PSMD13: variants seen among roughly 807,000 people sequenced by gnomAD.
The protein encoded by PSMD13 is proteasome 26S subunit, non-ATPase 13.
A neutral mutation model predicts 57.4 loss-of-function variants in PSMD13; 8 were observed. The observed-to-expected ratio is 0.14, with a 90% CI of 0.08 to 0.25. The LOEUF (loss-of-function observed/expected upper bound fraction) is 0.25. Among genes scored for constraint, PSMD13 ranks in the 10% least tolerant of loss-of-function variants. The probability of loss-of-function intolerance (pLI) is 1.00; values close to 1 mark genes in which losing one functional copy is unlikely to be tolerated. For synonymous variants in PSMD13, 193 were observed against 168.2 expected (o/e 1.15, Z -1.14); for missense variants, 400 against 461.5 (o/e 0.87, Z 1.22).
intron 6 of PSMD13, among the ~76,000 whole-genome samples, chr11:246,371 G>A (rs886764645): frequency 9.9e-5 from 15 of 152,124 alleles, no homozygotes; most frequent in South Asian, 2.1e-4. Context: ...GCATGGTGGC[G>A]GGCGCCTGTA....
intron 6 of PSMD13, among the ~76,000 whole-genome samples, chr11:245,601 T>C: frequency 6.6e-6 from 1 of 151,448 alleles, no homozygotes; most frequent in East Asian, 1.9e-4. Context: ...TGGGTGGCAG[T>C]GAAACCGACA....
At chr11:238,385 C>G (rs1859428277) in intron 1 of PSMD13, among the ~76,000 whole-genome samples, 1 of 152,206 alleles carries the variant, frequency 6.6e-6, no homozygotes, top group South Asian at 2.1e-4. Flanking sequence ...GTTAAGTGAT[C>G]TCAAAGTGAC....
At chr11:242,006 C>T (rs988723733) in intron 2 of PSMD13, among the ~76,000 whole-genome samples, 1 of 152,072 alleles carries the variant, frequency 6.6e-6, no homozygotes, top group Admixed American at 6.6e-5. Context: ...GTTCTTCTCT[C>T]AGCTTCTTCC....
chr11:249,192 G>A, intron 9 of PSMD13, 135 bp downstream of exon 9: 5 of 1,273,796 alleles, frequency 3.9e-6, no homozygotes, highest in Non-Finnish European at 5.4e-6. Context: ...GCTAGTCCTT[G>A]CTCTCATAGA....
chr11:241,363 T>A (rs1859510299), intron 2 of PSMD13, among the ~76,000 whole-genome samples: 1 of 152,118 alleles, frequency 6.6e-6, no homozygotes, highest in Non-Finnish European at 1.5e-5. Flanking sequence ...GGTCTTGAAC[T>A]CCTGTCCTCA....
intron 1 of PSMD13, among the ~76,000 whole-genome samples, chr11:238,446 G>C (rs1859433208): frequency 6.6e-6 from 1 of 152,232 alleles, no homozygotes; most frequent in African/African-American, 2.4e-5. Context: ...TATCACATCT[G>C]CTTTAGCATT....
At position 252,800 on chromosome 11, in the gene PSMD13, C is replaced by T; in HGVS notation, c.*200C>T. On this transcript the variant is annotated 3_prime_UTR_variant, in exon 13 of 13. Coordinates refer to ENST00000532097, the MANE Select transcript of PSMD13 (RefSeq NM_002817.4). This position sits in a 1 kb window ranked among gnomAD's most constrained non-coding sequence, Gnocchi z 4.1. ...ACAGGGAGGAGGCTTCTTTGTGGGT[C>T]TCTCCTGCAGAGGGTGGGGGTCTCA... 2 of 562,876 alleles carry T rather than the reference C, an allele frequency of 3.6e-6. No individual in the cohort carries two copies. Among genetic ancestry groups the T allele is most frequent in the Non-Finnish European group, 6.4e-6 (2 of 314,104 alleles). The allele number at this position is 562,876 out of a possible 1,614,324, so 34.9% of individuals were successfully genotyped here. A position where few individuals can be genotyped will look rare whatever the true frequency, so the allele number is the denominator to read the frequency against.
At chr11:244,522 C>CT in intron 5 of PSMD13, 53 bp downstream of exon 5, 1 of 1,562,698 alleles carries the variant, frequency 6.4e-7, no homozygotes, top group Non-Finnish European at 8.8e-7. Flanking sequence ...GTATGTATGA[C>CT]TTAACAGCTT....
Position 248,976 on chromosome 11 carries a change from G to A in PSMD13, c.693G>A (p.Gln231=). 1 of 1,614,180 alleles carries A rather than the reference G, an allele frequency of 6.2e-7. No homozygotes were observed. Among genetic ancestry groups the A allele is most frequent in the Non-Finnish European group, 8.5e-7 (1 of 1,180,034 alleles). The change falls in exon 9 of 13, where the codon CAG becomes CAA. Residue 231 remains glutamine, a synonymous_variant. Coordinates refer to ENST00000532097, the MANE Select transcript of PSMD13 (RefSeq NM_002817.4). ...AGTCCCTGAGGAATACTGACCGGCA[G>A]TGGCTGATTGACACCCTCTATGCCT... is the stretch of plus-strand genomic sequence containing the variant. ...VLESLRNTDR[Q]WLIDTLYAFN...
At chr11:250,966 G>C in intron 10 of PSMD13, 101 bp downstream of exon 10, 2 of 1,041,734 alleles carry the variant, frequency 1.9e-6, no homozygotes, top group East Asian at 4.8e-5. Flanking sequence ...TGAGCTTTCA[G>C]TGGTGCTGCT....
At chr11:243,510 G>T in intron 2 of PSMD13, 1 of 320,064 alleles carries the variant, frequency 3.1e-6, no homozygotes, top group Admixed American at 4.1e-5. Context: ...ATCTCTGGCT[G>T]TAGGATTTTC....
chr11:245,045 A>G (rs921008259), intron 6 of PSMD13, among the ~76,000 whole-genome samples: 4 of 151,306 alleles, frequency 2.6e-5, no homozygotes, highest in African/African-American at 9.7e-5. Flanking sequence ...GGTTCAAGCA[A>G]TTCTCCTGCC....
intron 7 of PSMD13, 62 bp downstream of exon 7, chr11:247,510 A>G: frequency 6.4e-7 from 1 of 1,554,796 alleles, no homozygotes; most frequent in Non-Finnish European, 8.7e-7. Context: ...AGCATCTGTG[A>G]GTTGCTTGAG....
rs1030157547 is a variant in PSMD13 at position 237,081 on chromosome 11, G to A, written c.32G>A (p.Ser11Asn). MKDVPGFLQQ[S>N]QNSGPGQPAV... ...GACGTACCGGGCTTCCTACAGCAGAGCCAGAACTCCGGGCCCGGGCAGCCC... is the reference window on the plus strand; with the variant it reads ...GACGTACCGGGCTTCCTACAGCAGAACCAGAACTCCGGGCCCGGGCAGCCC... The change falls in exon 1 of 13, where the codon AGC becomes AAC. Residue 11 changes from serine (S) to asparagine (N), a missense_variant. By Grantham distance (46) the Ser-to-Asn change is conservative. Transcript: ENST00000532097. 13 of 1,613,924 alleles carry A rather than the reference G, an allele frequency of 8.1e-6. No homozygotes were observed. In the African/African-American group the frequency reaches 1.5e-4, roughly 18 times the overall value.
At chr11:243,999 A>G in intron 2 of PSMD13, 42 bp from the exon 3 acceptor site, 2 of 1,570,116 alleles carry the variant, frequency 1.3e-6, no homozygotes, top group Non-Finnish European at 1.7e-6. Flanking sequence ...TTTGCAGAAT[A>G]AAAGACATCC....
chr11:251,189 G>A lies in PSMD13; in HGVS notation c.837+324G>A, dbSNP rs975247899. 5.3e-5 allele frequency: 24 copies of A among 449,788 alleles called. No homozygotes were observed. Among genetic ancestry groups the A allele is most frequent in the Admixed American group, 4.8e-4 (13 of 26,974 alleles). 27.9% of individuals were successfully genotyped at this position (449,788 alleles called of 1,614,324 possible). ...ATTGCATGTCGCTTCTTGTGTACAC[G>A]CACATCTGTCTTTCCCCACTAGAAC... On this transcript the variant is annotated intron_variant, in intron 10 of 12. Coordinates refer to ENST00000532097, the MANE Select transcript of PSMD13 (RefSeq NM_002817.4). The surrounding 1 kb of genome is among the most constrained non-coding windows in gnomAD (Gnocchi z 4.6).
intron 4 of PSMD13, 36 bp downstream of exon 4, chr11:244,252 AAATG>A (rs1859584679): frequency 1.3e-6 from 2 of 1,598,502 alleles, no homozygotes; most frequent in Non-Finnish European, 1.7e-6. Flanking sequence ...GAGCAGATCC[AAATG>A]GTGGTTAAAA....
At position 237,098 on chromosome 11, in the gene PSMD13, G is replaced by C; in HGVS notation, c.49G>C (p.Gly17Arg). ...ACAGCAGAGCCAGAACTCCGGGCCC[G>C]GGCAGCCCGCTGTGTGGCACCGTCT... The part of the protein sequence containing the change: ...FLQQSQNSGP[G>R]QPAVWHRLEE... The change falls in exon 1 of 13, where the codon GGG becomes CGG. Residue 17 changes from glycine to arginine, a missense_variant. Gly to Arg is a moderately radical substitution (Grantham distance 125). Coordinates refer to ENST00000532097, the MANE Select transcript of PSMD13 (RefSeq NM_002817.4). 2.5e-6 allele frequency: 4 copies of C among 1,613,774 alleles called. No homozygotes were observed. The highest frequency in any genetic ancestry group is 3.4e-6 in the Non-Finnish European group (4 of 1,179,816).
intron 2 of PSMD13, among the ~76,000 whole-genome samples, chr11:240,907 C>G (rs774138001): frequency 1.3e-5 from 2 of 149,344 alleles, no homozygotes; most frequent in Non-Finnish European, 3.0e-5. Flanking sequence ...TCTCAGCTCA[C>G]TACATCCTCC....
Sources: allele counts gnomAD v4.1 joint callset (sites outside exome capture counted in the v4.1 genomes callset), GRCh38; gene constraint gnomAD v4.1.1; non-coding constraint Gnocchi (gnomAD v3.1); transcripts MANE v1.5; gene names NCBI Gene and HGNC (gene_info 2026-07-23, HGNC 2026-07-21).